Variants in GALNT17 observed in about 807,000 individuals in gnomAD.
The protein encoded by GALNT17 is polypeptide N-acetylgalactosaminyltransferase 17, also known as UDP-GalNAc:polypeptide N-acetylgalactosaminyltransferase-like 3.
In GALNT17, 29 loss-of-function variants were observed where a neutral mutation model predicts 63.7. The ratio of observed to expected loss-of-function variants is 0.46; its 90% CI spans 0.34 to 0.62. The LOEUF (loss-of-function observed/expected upper bound fraction) is 0.62, where lower values mean the gene tolerates loss of function less well. Among genes scored for constraint, GALNT17 ranks in the 20% least tolerant of loss-of-function variants. The probability of loss-of-function intolerance (pLI) is 0.01; values close to 1 mark genes in which losing one functional copy is unlikely to be tolerated. For missense variants in GALNT17, 603 were observed against 799.6 expected (o/e 0.75, Z 2.97); for synonymous variants, 305 against 318.3 (o/e 0.96, Z 0.45).
At chr7:71,515,733 G>A (rs994823070) in intron 5 of GALNT17, among the ~76,000 whole-genome samples, 2 of 152,200 alleles carry the variant, frequency 1.3e-5, no homozygotes, top group African/African-American at 4.8e-5. Flanking sequence ...AAGTATCTGA[G>A]ACAGGTCTCA....
At chr7:71,421,665 T>G (rs1281599802) in intron 5 of GALNT17, among the ~76,000 whole-genome samples, 1 of 152,058 alleles carries the variant, frequency 6.6e-6, no homozygotes, top group Non-Finnish European at 1.5e-5. Flanking sequence ...GAAAGGAGGT[T>G]GAGGCCGGGC....
chr7:71,145,530 A>G (rs1413112890), intron 1 of GALNT17, among the ~76,000 whole-genome samples: 1 of 152,106 alleles, frequency 6.6e-6, no homozygotes, highest in Admixed American at 6.6e-5. Flanking sequence ...AAATAGATAA[A>G]AAATAGGGTC....
At chr7:71,470,465 G>A (rs1188132993) in intron 5 of GALNT17, among the ~76,000 whole-genome samples, 1 of 152,054 alleles carries the variant, frequency 6.6e-6, no homozygotes, top group African/African-American at 2.4e-5. Flanking sequence ...TGCTTCCTGT[G>A]TAAAGGATGT....
At chr7:71,262,869 T>C (rs980776829) in intron 1 of GALNT17, among the ~76,000 whole-genome samples, 3 of 151,014 alleles carry the variant, frequency 2.0e-5, no homozygotes, top group African/African-American at 7.3e-5. Context: ...TTTGTAGAGA[T>C]AGGGTTTCAC....
intron 2 of GALNT17, among the ~76,000 whole-genome samples, chr7:71,345,068 A>G (rs1792066428): frequency 2.0e-5 from 3 of 151,952 alleles, no homozygotes; most frequent in Admixed American, 2.0e-4. Context: ...TGTGTTTGTA[A>G]GAAGATAACC....
intron 1 of GALNT17, among the ~76,000 whole-genome samples, chr7:71,167,456 A>G (rs1788463433): frequency 6.6e-6 from 1 of 151,694 alleles, no homozygotes; most frequent in Non-Finnish European, 1.5e-5. Context: ...TTTTTTTGTT[A>G]CTGAGTTTTG....
chr7:71,356,470 G>T (rs930246194), intron 2 of GALNT17, among the ~76,000 whole-genome samples: 1 of 152,180 alleles, frequency 6.6e-6, no homozygotes, highest in Non-Finnish European at 1.5e-5. Flanking sequence ...TTCTGTCAAA[G>T]GCCTGAGGCT....
intron 1 of GALNT17, among the ~76,000 whole-genome samples, chr7:71,172,895 G>A (rs1788570451): frequency 6.6e-6 from 1 of 152,192 alleles, no homozygotes; most frequent in Admixed American, 6.5e-5. Flanking sequence ...CCAAAGGAGA[G>A]AAGAGAGACT....
At chr7:71,587,296 G>A (rs1428415822) in intron 6 of GALNT17, among the ~76,000 whole-genome samples, 1 of 152,170 alleles carries the variant, frequency 6.6e-6, no homozygotes, top group Non-Finnish European at 1.5e-5. Flanking sequence ...CAAAAGTGCT[G>A]AAATAACAGG....
chr7:71,402,383 C>T (rs1793256254), intron 3 of GALNT17, among the ~76,000 whole-genome samples: 1 of 152,210 alleles, frequency 6.6e-6, no homozygotes, highest in Admixed American at 6.5e-5. Flanking sequence ...GGATCTAGCC[C>T]ACAGCTAAAT....
intron 1 of GALNT17, among the ~76,000 whole-genome samples, chr7:71,180,226 G>A (rs1788711989): frequency 6.6e-6 from 1 of 151,896 alleles, no homozygotes; most frequent in Non-Finnish European, 1.5e-5. Context: ...CCCGGGTTCA[G>A]TCGATTCTCC....
chr7:71,322,505 G>A (rs1227774387), intron 1 of GALNT17, among the ~76,000 whole-genome samples: 1 of 152,170 alleles, frequency 6.6e-6, no homozygotes, highest in Non-Finnish European at 1.5e-5. Flanking sequence ...TGTACCTCCA[G>A]TATTCGTGGC....
chr7:71,451,980 C>T (rs1787270624), intron 5 of GALNT17, among the ~76,000 whole-genome samples: 1 of 151,914 alleles, frequency 6.6e-6, no homozygotes, highest in Non-Finnish European at 1.5e-5. Context: ...GAGGCCAAGG[C>T]AGGAGGATCT....
rs551475038 is a variant in GALNT17, at chr7:71,701,791, ATGTGTGTGTGTG to A, written c.1501-8968_1501-8957del. 6.3e-3 allele frequency among the ~76,000 whole-genome samples: 246 copies of A among 39,042 alleles called. 3 individuals carry two copies. The highest frequency in any genetic ancestry group is 0.023 in the East Asian group (9 of 386). 25.6% of individuals were successfully genotyped at this position (39,042 alleles called of 152,430 possible). On this transcript the variant is annotated intron_variant, in intron 9 of 10. Transcript: ENST00000333538. ...TATATATATGTGTGTGTGTATATAT[ATGTGTGTGTGTG>A]TATATATATATACACATATATATAC...
At chr7:71,492,085 T>G (rs1205777845) in intron 5 of GALNT17, among the ~76,000 whole-genome samples, 2 of 152,022 alleles carry the variant, frequency 1.3e-5, no homozygotes, top group Admixed American at 1.3e-4. Flanking sequence ...ATCGAGACCA[T>G]CCTGGCCAAC....
intron 5 of GALNT17, among the ~76,000 whole-genome samples, chr7:71,538,344 T>C (rs942762581): frequency 3.3e-5 from 5 of 152,126 alleles, no homozygotes; most frequent in Non-Finnish European, 7.3e-5. Context: ...AATAACCTCT[T>C]ATTCCATCAG....
chr7:71,486,095 G>T (rs1461307709), intron 5 of GALNT17, among the ~76,000 whole-genome samples: 1 of 151,932 alleles, frequency 6.6e-6, no homozygotes, highest in East Asian at 1.9e-4. Context: ...TGGGAGACTG[G>T]GGCAGGGCGG....
chr7:71,659,574 A>T (rs1790876093), intron 6 of GALNT17, among the ~76,000 whole-genome samples: 1 of 152,246 alleles, frequency 6.6e-6, no homozygotes. Flanking sequence ...AGAGGAAGAA[A>T]GTGCAAGCCG....
intron 5 of GALNT17, among the ~76,000 whole-genome samples, chr7:71,537,673 G>A (rs1047323970): frequency 1.3e-5 from 2 of 152,024 alleles, no homozygotes; most frequent in African/African-American, 2.4e-5. Context: ...TTAGCCAGGC[G>A]TTGGTGGCAC....
Sources: gnomAD v4.1 joint callset for allele counts (sites outside exome capture counted in the v4.1 genomes callset) on GRCh38, gnomAD v4.1.1 for gene constraint, MANE v1.5 for transcripts, NCBI Gene and HGNC (gene_info 2026-07-23, HGNC 2026-07-21) for gene names.